Variants in CBFA2T2 observed in about 807,000 individuals in gnomAD.
The protein encoded by CBFA2T2 is protein CBFA2T2.
A neutral mutation model predicts 62.2 loss-of-function variants in CBFA2T2; 11 were observed. The observed-to-expected ratio is 0.18, with a 90% CI of 0.11 to 0.29. The LOEUF (loss-of-function observed/expected upper bound fraction) is 0.29. CBFA2T2 is among the 10% of genes least tolerant of loss of function. The probability of loss-of-function intolerance (pLI) is 1.00; values close to 1 mark genes in which losing one functional copy is unlikely to be tolerated. For missense variants in CBFA2T2, 592 were observed against 774.1 expected (o/e 0.76, Z 2.79); for synonymous variants, 295 against 287.5 (o/e 1.03, Z -0.27).
chr20:33,530,830 C>T (rs1478938532), intron 1 of CBFA2T2, among the ~76,000 whole-genome samples: 1 of 152,060 alleles, frequency 6.6e-6, no homozygotes, highest in Non-Finnish European at 1.5e-5. Flanking sequence ...CCTGTAATCC[C>T]AGCACTTTGG....
chr20:33,503,090 CAAAAAAAAAA>C (rs35577702), intron 1 of CBFA2T2, among the ~76,000 whole-genome samples: 2 of 52,854 alleles, frequency 3.8e-5, no homozygotes. Flanking sequence ...GACTCTGTCT[CAAAAAAAAAA>C]AAAAAAAAAA....
At chr20:33,559,202 G>C in intron 1 of CBFA2T2, among the ~76,000 whole-genome samples, 1 of 114,136 alleles carries the variant, frequency 8.8e-6, no homozygotes, top group African/African-American at 5.0e-5. Context: ...TTCTGAGATG[G>C]AGTGTCACTC....
intron 1 of CBFA2T2, among the ~76,000 whole-genome samples, chr20:33,493,942 G>C (rs1287670970): frequency 1.3e-5 from 2 of 151,626 alleles, no homozygotes; most frequent in Admixed American, 6.6e-5. Context: ...GGAGTGCAGT[G>C]GTGCGATCTC....
intron 1 of CBFA2T2, among the ~76,000 whole-genome samples, chr20:33,546,310 A>G (rs1435238108): frequency 6.6e-6 from 1 of 152,194 alleles, no homozygotes; most frequent in Admixed American, 6.5e-5. Context: ...GACTAAAGAA[A>G]AGGACATTTT....
chr20:33,631,240 G>A (rs568547873), intron 8 of CBFA2T2, among the ~76,000 whole-genome samples: 3 of 152,212 alleles, frequency 2.0e-5, no homozygotes, highest in Admixed American at 2.0e-4. Flanking sequence ...CGTGAACCCC[G>A]GAGGCGGAGC....
intron 2 of CBFA2T2, among the ~76,000 whole-genome samples, chr20:33,608,691 T>A (rs1338798655): frequency 6.6e-6 from 1 of 152,248 alleles, no homozygotes; most frequent in Non-Finnish European, 1.5e-5. Context: ...TATATGTATA[T>A]ACAAATTCAG....
intron 1 of CBFA2T2, among the ~76,000 whole-genome samples, chr20:33,519,353 C>A (rs955293305): frequency 3.3e-5 from 5 of 152,100 alleles, no homozygotes; most frequent in African/African-American, 9.7e-5. Flanking sequence ...GCCTGTAATT[C>A]CAGCTATTCA....
intron 1 of CBFA2T2, among the ~76,000 whole-genome samples, chr20:33,566,749 T>G (rs1291147787): frequency 6.6e-6 from 1 of 152,210 alleles, no homozygotes; most frequent in East Asian, 1.9e-4. Context: ...GGAAGGAGCA[T>G]AGTGGCAGGA....
chr20:33,513,817 A>AG lies in CBFA2T2; in HGVS notation c.34+23516_34+23517insG, dbSNP rs60091128. Among the ~76,000 whole-genome samples the AG allele has an allele frequency of 0.014, 80 of 5,548 alleles. No homozygotes were observed. The East Asian group carries it at 0.46, about 32-fold the overall frequency. The allele number at this position is 5,548 out of a possible 152,430, so 3.6% of individuals were successfully genotyped here. On this transcript the variant is annotated intron_variant, in intron 1 of 10. Transcript: ENST00000342704. Reference sequence around the variant, plus strand: ...TGACAGAGTAAGACTCTGTCCCAGGAAAAAAAAAAAAAAAAAAAAGAATGT... The same window carrying AG: ...TGACAGAGTAAGACTCTGTCCCAGGAGAAAAAAAAAAAAAAAAAAAGAATGT...
intron 1 of CBFA2T2, among the ~76,000 whole-genome samples, chr20:33,555,294 G>T (rs1449480735): frequency 6.6e-6 from 1 of 152,064 alleles, no homozygotes; most frequent in African/African-American, 2.4e-5. Context: ...CATTAAAATG[G>T]CATGTAGTTG....
chr20:33,539,905 C>T (rs945259340), intron 1 of CBFA2T2, among the ~76,000 whole-genome samples: 1 of 151,822 alleles, frequency 6.6e-6, no homozygotes, highest in African/African-American at 2.4e-5. Context: ...GCTATATTGG[C>T]TGGGCTGGTT....
intron 1 of CBFA2T2, among the ~76,000 whole-genome samples, chr20:33,542,332 G>A (rs1418171107): frequency 1.3e-5 from 2 of 152,148 alleles, no homozygotes; most frequent in African/African-American, 4.8e-5. Flanking sequence ...ACACCTGTGA[G>A]GAACTAGATC....
intron 1 of CBFA2T2, among the ~76,000 whole-genome samples, chr20:33,568,216 G>T (rs372975102): frequency 3.3e-5 from 5 of 152,276 alleles, no homozygotes; most frequent in African/African-American, 1.2e-4. Context: ...GATACTTCCT[G>T]CATCAGCACT....
At chr20:33,633,162 G>A (rs1258757498) in intron 8 of CBFA2T2, among the ~76,000 whole-genome samples, 3 of 151,936 alleles carry the variant, frequency 2.0e-5, no homozygotes, top group African/African-American at 7.3e-5. Context: ...CGTGAAGCCA[G>A]GAGTTCGAGA....
chr20:33,543,813 C>T (rs1010071362), intron 1 of CBFA2T2, among the ~76,000 whole-genome samples: 2 of 151,990 alleles, frequency 1.3e-5, no homozygotes, highest in African/African-American at 4.8e-5. Context: ...GCACTGATAA[C>T]TAAATTAAAT....
rs1343000527 is a variant in CBFA2T2 at position 33,510,600 on chromosome 20, G to A, written c.34+20299G>A. On this transcript the variant is annotated intron_variant, in intron 1 of 10. Transcript: ENST00000342704. ...GAATAGTGCCGCAATAAACATACTT[G>A]TGCATATGTCTTTATAGTAGCATGA... 2.6e-5 allele frequency among the ~76,000 whole-genome samples: 4 copies of A among 152,256 alleles called. No individual in the cohort carries two copies. In the East Asian group the frequency reaches 7.7e-4, roughly 29 times the overall value.
intron 6 of CBFA2T2, 90 bp downstream of exon 6, chr20:33,625,107 T>C (rs2016174216): frequency 3.1e-6 from 4 of 1,275,030 alleles, no homozygotes; most frequent in Non-Finnish European, 4.4e-6. Flanking sequence ...TGATTGCTTT[T>C]TCCCACTGAT....
At chr20:33,544,105 T>C (rs1243920996) in intron 1 of CBFA2T2, among the ~76,000 whole-genome samples, 2 of 152,194 alleles carry the variant, frequency 1.3e-5, no homozygotes, top group Non-Finnish European at 2.9e-5. Flanking sequence ...TCAGGTCATG[T>C]CAATTCTCTG....
chr20:33,578,416 A>G (rs1466173745), intron 1 of CBFA2T2, among the ~76,000 whole-genome samples: 5 of 152,222 alleles, frequency 3.3e-5, no homozygotes, highest in Non-Finnish European at 4.4e-5. Context: ...TTGTAGAAAG[A>G]ACCATAATGA....
Sources: gnomAD v4.1 joint callset for allele counts (sites outside exome capture counted in the v4.1 genomes callset) on GRCh38, gnomAD v4.1.1 for gene constraint, MANE v1.5 for transcripts, NCBI Gene and HGNC (gene_info 2026-07-23, HGNC 2026-07-21) for gene names.